EYA3: variants seen among roughly 807,000 people sequenced by gnomAD.
The protein encoded by EYA3 is EYA transcriptional coactivator and phosphatase 3.
A neutral mutation model predicts 80.0 loss-of-function variants in EYA3; 39 were observed. That is an observed-to-expected ratio of 0.49 (90% CI 0.38 to 0.64). EYA3 has a LOEUF of 0.64. Among genes scored for constraint, EYA3 ranks in the 30% least tolerant of loss-of-function variants. The pLI, the probability that EYA3 is intolerant of heterozygous loss-of-function variation, is 0.00. For missense variants in EYA3, 523 were observed against 676.1 expected, an observed-to-expected ratio of 0.77 and a Z score of 2.51; for synonymous variants, 206 against 232.8, an observed-to-expected ratio of 0.88 and a Z score of 1.05.
At chr1:27,977,444 G>A in intron 17 of EYA3, 1 of 1,492,670 alleles carries the variant, frequency 6.7e-7, no homozygotes, top group African/African-American at 1.4e-5. Flanking sequence ...GATCCATTTA[G>A]CAGATGAGGA....
At chr1:28,050,210 T>A (rs1284898153) in intron 2 of EYA3, among the ~76,000 whole-genome samples, 5 of 140,666 alleles carry the variant, frequency 3.6e-5, no homozygotes, top group Admixed American at 1.5e-4. Context: ...TTATTTTTTT[T>A]GAGACAGGGT....
chr1:27,977,518 T>C, intron 17 of EYA3: 3 of 924,106 alleles, frequency 3.2e-6, no homozygotes, highest in South Asian at 1.7e-5. Context: ...TTAAGTTCTA[T>C]AGCCAAGACT....
At position 28,064,846 on chromosome 1, in the gene EYA3, G is replaced by A. The variant is rs561834765; in HGVS notation, c.-68-6752C>T. ...TTTTGTCTCCACAACTAAGACGCAG[G>A]TGGTATTATCATCCTCATGCTACAA... On this transcript the variant is annotated intron_variant, in intron 1 of 17. Transcript: ENST00000373871. 2.0e-5 allele frequency among the ~76,000 whole-genome samples: 3 copies of A among 152,194 alleles called. No individual in the cohort carries two copies. In the East Asian group the frequency reaches 5.8e-4, roughly 29 times the overall value.
At position 27,975,905 on chromosome 1, in the gene EYA3, A is replaced by T. The variant is rs191628290; in HGVS notation, c.1642-1359T>A. Among the ~76,000 whole-genome samples the T allele has an allele frequency of 6.9e-3, 1,044 of 152,274 alleles. 5 individuals carry two copies. The highest frequency in any genetic ancestry group is 0.011 in the Non-Finnish European group (722 of 68,026). On this transcript the variant is annotated intron_variant, in intron 17 of 17. Coordinates refer to ENST00000373871, the MANE Select transcript of EYA3 (RefSeq NM_001990.4). ...CACTGCAACCTCCACTCCCAGGTTT[A>T]GGTGATTCTCATGTGGAGGCCATAT... is the stretch of plus-strand genomic sequence containing the variant.
intron 1 of EYA3, among the ~76,000 whole-genome samples, chr1:28,068,684 A>C (rs1027631583): frequency 2.0e-5 from 3 of 151,974 alleles, no homozygotes; most frequent in African/African-American, 7.3e-5. Flanking sequence ...CTACGTATTA[A>C]CTCCCTGTAC....
At chr1:27,977,270 T>A in intron 17 of EYA3, 2 of 1,544,564 alleles carry the variant, frequency 1.3e-6, no homozygotes, top group African/African-American at 2.7e-5. Context: ...TAATGCCAAC[T>A]GATTACCAAT....
chr1:28,083,537 G>A (rs936748661), intron 1 of EYA3, among the ~76,000 whole-genome samples: 1 of 151,802 alleles, frequency 6.6e-6, no homozygotes, highest in African/African-American at 2.4e-5. Context: ...AAAAAGAATA[G>A]TACCCTTATT....
At chr1:28,046,131 G>A (rs929335266) in intron 3 of EYA3, among the ~76,000 whole-genome samples, 1 of 152,128 alleles carries the variant, frequency 6.6e-6, no homozygotes, top group African/African-American at 2.4e-5. Flanking sequence ...TAGTGAACAT[G>A]GAATTTCAGT....
intron 1 of EYA3, among the ~76,000 whole-genome samples, chr1:28,085,252 A>T (rs1015399450): frequency 6.6e-6 from 1 of 152,126 alleles, no homozygotes; most frequent in Non-Finnish European, 1.5e-5. Context: ...GGAGTTTGAG[A>T]TCAGCCTGGG....
At chr1:28,026,575 G>A (rs747936269) in intron 7 of EYA3, among the ~76,000 whole-genome samples, 5 of 152,060 alleles carry the variant, frequency 3.3e-5, no homozygotes, top group South Asian at 2.1e-4. Flanking sequence ...CCATGATCGC[G>A]CCACTGCATT....
rs982464396 is a variant in EYA3, at chr1:28,013,156, G to T, written c.724C>A (p.Pro242Thr). Residue 242 changes from proline (P) to threonine (T), a missense_variant, in exon 9 of 18, where the codon CCT (proline) becomes ACT (threonine). Pro to Thr is a conservative substitution (Grantham distance 38). Coordinates refer to ENST00000373871, the MANE Select transcript of EYA3 (RefSeq NM_001990.4). This position sits in a 1 kb window ranked among gnomAD's most constrained non-coding sequence, Gnocchi z 4.0. ...LAATTYQSEKPSVMAPAPAAQ... is the reference protein window; with the variant it reads ...LAATTYQSEKTSVMAPAPAAQ... ...GCAGGTGCAGGCGCCATGACACTAG[G>T]CTTCTCCGACTGGTATGTGGTTGCT... The T allele has an allele frequency of 6.2e-7, 1 of 1,614,008 alleles. No individual in the cohort carries two copies. The highest frequency in any genetic ancestry group is 8.5e-7 in the Non-Finnish European group (1 of 1,179,986).
intron 6 of EYA3, among the ~76,000 whole-genome samples, chr1:28,035,056 C>T (rs950899740): frequency 1.3e-5 from 2 of 151,882 alleles, no homozygotes; most frequent in East Asian, 1.9e-4. Flanking sequence ...TGGGGATTTC[C>T]GGTATTCTAA....
intron 3 of EYA3, among the ~76,000 whole-genome samples, chr1:28,043,295 T>C (rs1336956752): frequency 6.6e-6 from 1 of 150,576 alleles, no homozygotes; most frequent in African/African-American, 2.5e-5. Context: ...TACAATGTGA[T>C]GTTTTGATAT....
chr1:28,065,344 C>T (rs556441797), intron 1 of EYA3, among the ~76,000 whole-genome samples: 153 of 152,194 alleles, frequency 1.0e-3, no homozygotes, highest in African/African-American at 3.5e-3. Context: ...GAGATCTCAG[C>T]TCACTGCAAC....
At chr1:28,024,285 AT>A (rs1189830899) in intron 7 of EYA3, among the ~76,000 whole-genome samples, 1 of 151,388 alleles carries the variant, frequency 6.6e-6, no homozygotes, top group Non-Finnish European at 1.5e-5. Context: ...ATTAATAAAA[AT>A]TTTTTTAAAA....
chr1:28,033,825 T>A (rs1434644574), intron 6 of EYA3, among the ~76,000 whole-genome samples: 1 of 151,322 alleles, frequency 6.6e-6, no homozygotes, highest in East Asian at 2.0e-4. Flanking sequence ...CGGCTAATTT[T>A]TTTTTTGTAT....
At chr1:27,994,217 A>G (rs891063821) in intron 13 of EYA3, among the ~76,000 whole-genome samples, 2 of 152,196 alleles carry the variant, frequency 1.3e-5, no homozygotes, top group African/African-American at 4.8e-5. Context: ...TTGCTCTGGA[A>G]GAAGCCAGCT....
At chr1:28,000,177 T>C (rs1640726996) in intron 11 of EYA3, 128 bp from the exon 12 acceptor site, 2 of 526,920 alleles carry the variant, frequency 3.8e-6, no homozygotes, top group South Asian at 3.4e-5. Flanking sequence ...CAAACTATCA[T>C]TGATGCAATT....
chr1:28,048,299 G>C, intron 3 of EYA3, 84 bp downstream of exon 3: 1 of 825,488 alleles, frequency 1.2e-6, no homozygotes, highest in Non-Finnish European at 1.8e-6. Flanking sequence ...AGAGGGCAAA[G>C]CATGCCCATA....
Sources: gnomAD v4.1 joint callset for allele counts (sites outside exome capture counted in the v4.1 genomes callset) on GRCh38, gnomAD v4.1.1 for gene constraint, Gnocchi (gnomAD v3.1) non-coding constraint, MANE v1.5 for transcripts, NCBI Gene and HGNC (gene_info 2026-07-23, HGNC 2026-07-21) for gene names.